PPM1L: variants seen among roughly 807,000 people sequenced by gnomAD.
PPM1L encodes protein phosphatase, Mg2+/Mn2+ dependent 1L, also known as protein phosphatase 1L.
Under a neutral mutation model 31.4 loss-of-function variants are expected in PPM1L, and 13 were observed. The ratio of observed to expected loss-of-function variants is 0.41; its 90% CI spans 0.27 to 0.66. PPM1L has a LOEUF of 0.66. Among genes scored for constraint, PPM1L ranks in the 30% least tolerant of loss-of-function variants. The probability of loss-of-function intolerance (pLI) is 0.29; values close to 1 mark genes in which losing one functional copy is unlikely to be tolerated. For synonymous variants in PPM1L, 184 were observed against 175.4 expected (o/e 1.05, Z -0.39); for missense variants, 326 against 453.7 (o/e 0.72, Z 2.56).
chr3:160,955,752 G>A (rs751471682), intron 1 of PPM1L, among the ~76,000 whole-genome samples: 6 of 150,862 alleles, frequency 4.0e-5, no homozygotes, highest in East Asian at 2.0e-4. Flanking sequence ...CTGGGTTCAC[G>A]CCATTCTCCT....
At chr3:160,885,790 T>C (rs1576690077) in intron 1 of PPM1L, among the ~76,000 whole-genome samples, 2 of 152,202 alleles carry the variant, frequency 1.3e-5, no homozygotes, top group African/African-American at 4.8e-5. Flanking sequence ...GCGCAGATTC[T>C]CAACAGCCTC....
At chr3:160,984,625 A>G (rs547734061) in intron 2 of PPM1L, among the ~76,000 whole-genome samples, 22 of 152,260 alleles carry the variant, frequency 1.4e-4, no homozygotes, top group African/African-American at 2.6e-4. Context: ...AATCTTCACA[A>G]TTTATGTTCT....
At chr3:160,976,777 T>A (rs1716599211) in intron 2 of PPM1L, among the ~76,000 whole-genome samples, 1 of 152,198 alleles carries the variant, frequency 6.6e-6, no homozygotes, top group Non-Finnish European at 1.5e-5. Context: ...TTTTCTTTAT[T>A]AGTCTGCTAG....
chr3:160,825,666 A>G (rs578246887), intron 1 of PPM1L, among the ~76,000 whole-genome samples: 1 of 152,324 alleles, frequency 6.6e-6, no homozygotes, highest in African/African-American at 2.4e-5. Context: ...TTAAATCAAT[A>G]GAATATGACA....
intron 1 of PPM1L, among the ~76,000 whole-genome samples, chr3:160,853,531 T>C (rs1006051371): frequency 1.3e-5 from 2 of 152,142 alleles, no homozygotes; most frequent in Non-Finnish European, 2.9e-5. Context: ...GGGAAGATAA[T>C]GATCTCATTG....
At chr3:160,757,828 C>T (rs1336105222) in intron 1 of PPM1L, among the ~76,000 whole-genome samples, 1 of 152,252 alleles carries the variant, frequency 6.6e-6, no homozygotes, top group African/African-American at 2.4e-5. Context: ...ACTTTCTTCT[C>T]TGCCCTCTGA....
Position 161,065,535 on chromosome 3 carries a change from T to TGAAG in PPM1L, c.711_714dup (p.Arg239GlyfsTer51). 6.2e-7 allele frequency: 1 copy of TGAAG among 1,614,004 alleles called. No homozygotes were observed. The highest frequency in any genetic ancestry group is 8.5e-7 in the Non-Finnish European group (1 of 1,179,948). On this transcript the variant is annotated frameshift_variant, in exon 3 of 4. Transcript: ENST00000498165. LOFTEE classifies it high-confidence loss of function. ...TCTCATGATCACAAGCCTTACCAGT[T>TGAAG]GAAGGAAAGAAAGAGGATAAAGAGA...
At chr3:160,875,599 T>G (rs1712479732) in intron 1 of PPM1L, among the ~76,000 whole-genome samples, 1 of 152,234 alleles carries the variant, frequency 6.6e-6, no homozygotes, top group African/African-American at 2.4e-5. Flanking sequence ...ATAAAATAGC[T>G]AGAAGTTATT....
intron 1 of PPM1L, among the ~76,000 whole-genome samples, chr3:160,926,095 T>TCCTATTTGTTTTATATTTCCTGAAGGTC (rs1714577782): frequency 2.0e-5 from 3 of 151,984 alleles, no homozygotes; most frequent in African/African-American, 7.3e-5. Context: ...TGGCAGAGGG[T>TCCTATTTGTTTTATATTTCCTGAAGGTC]CTCCTTCAGG....
chr3:160,880,628 TTA>T (rs1712679321), intron 1 of PPM1L, among the ~76,000 whole-genome samples: 1 of 118,756 alleles, frequency 8.4e-6, no homozygotes. Flanking sequence ...CATTCTGTGG[TTA>T]AAAAAAAAAA....
chr3:161,001,433 C>T (rs1055957813), intron 2 of PPM1L, among the ~76,000 whole-genome samples: 1 of 152,052 alleles, frequency 6.6e-6, no homozygotes, highest in Non-Finnish European at 1.5e-5. Context: ...CAGGTGTGTG[C>T]CACCATGCCC....
chr3:161,029,153 T>C (rs1168039073), intron 2 of PPM1L, among the ~76,000 whole-genome samples: 1 of 152,212 alleles, frequency 6.6e-6, no homozygotes, highest in South Asian at 2.1e-4. Context: ...CAGATATGGA[T>C]TTGAAGTCTC....
chr3:160,810,494 T>C (rs912629845), intron 1 of PPM1L, among the ~76,000 whole-genome samples: 6 of 152,138 alleles, frequency 3.9e-5, no homozygotes, highest in African/African-American at 1.2e-4. Flanking sequence ...ATTAAATTGG[T>C]CCCTGGTGGC....
intron 1 of PPM1L, among the ~76,000 whole-genome samples, chr3:160,913,668 C>G (rs768859286): frequency 1.3e-5 from 2 of 152,092 alleles, no homozygotes; most frequent in Non-Finnish European, 2.9e-5. Context: ...ACTCTTATAT[C>G]TGGCTTTTTG....
At chr3:160,973,658 C>T (rs1378322332) in intron 2 of PPM1L, among the ~76,000 whole-genome samples, 1 of 151,746 alleles carries the variant, frequency 6.6e-6, no homozygotes, top group Admixed American at 6.6e-5. Context: ...TAATCATAGA[C>T]AGCTGGGCTG....
chr3:160,988,616 T>C (rs999090337), intron 2 of PPM1L, among the ~76,000 whole-genome samples: 4 of 152,176 alleles, frequency 2.6e-5, no homozygotes, highest in African/African-American at 9.7e-5. Flanking sequence ...GAGCAGGCAC[T>C]AAAAAAGAAA....
At chr3:160,967,069 G>C (rs893028900) in intron 2 of PPM1L, among the ~76,000 whole-genome samples, 2 of 151,910 alleles carry the variant, frequency 1.3e-5, no homozygotes, top group African/African-American at 2.4e-5. Flanking sequence ...GAATCATGGG[G>C]GTGGGTTTTT....
chr3:160,994,146 G>T (rs1447300443), intron 2 of PPM1L, among the ~76,000 whole-genome samples: 3 of 152,034 alleles, frequency 2.0e-5, no homozygotes, highest in Non-Finnish European at 4.4e-5. Flanking sequence ...AATTCATCCA[G>T]AAAATAGTAA....
intron 2 of PPM1L, among the ~76,000 whole-genome samples, chr3:161,018,463 T>C (rs1483988820): frequency 6.6e-6 from 1 of 152,196 alleles, no homozygotes; most frequent in Non-Finnish European, 1.5e-5. Flanking sequence ...TCCAATATTA[T>C]TGCTTTGGAA....
Sources: gnomAD v4.1 joint callset for allele counts (sites outside exome capture counted in the v4.1 genomes callset) on GRCh38, gnomAD v4.1.1 for gene constraint, MANE v1.5 for transcripts, NCBI Gene and HGNC (gene_info 2026-07-23, HGNC 2026-07-21) for gene names.